Variants in NALF1 observed in about 807,000 individuals in gnomAD.
The protein encoded by NALF1 is NALCN channel auxiliary factor 1, also known as family with sequence similarity 155 member A.
Under a neutral mutation model 48.4 loss-of-function variants are expected in NALF1, and 3 were observed. That is an observed-to-expected ratio of 0.06 (90% CI 0.03 to 0.16). The LOEUF (loss-of-function observed/expected upper bound fraction) is 0.16, where lower values mean the gene tolerates loss of function less well. Ranked by LOEUF, NALF1 falls within the 10% of genes least tolerant of loss-of-function variation. The pLI, the probability that NALF1 is intolerant of heterozygous loss-of-function variation, is 1.00. For missense variants in NALF1, 526 were observed against 571.5 expected, an observed-to-expected ratio of 0.92 and a Z score of 0.81; for synonymous variants, 262 against 245.7, an observed-to-expected ratio of 1.07 and a Z score of -0.62.
intron 1 of NALF1, among the ~76,000 whole-genome samples, chr13:107,771,565 C>A (rs1469014229): frequency 6.6e-6 from 1 of 150,940 alleles, no homozygotes; most frequent in Non-Finnish European, 1.5e-5. Context: ...CGAACCAGAG[C>A]GACTCCATTT....
intron 1 of NALF1, among the ~76,000 whole-genome samples, chr13:107,850,505 A>C (rs1880281647): frequency 6.6e-6 from 1 of 152,190 alleles, no homozygotes; most frequent in Non-Finnish European, 1.5e-5. Context: ...GCCATTAGGG[A>C]TTCAGTTTCT....
In NALF1 at chr13:107,808,806, T is replaced by G. The variant is rs1878894295; in HGVS notation, c.915+56876A>C. Among the ~76,000 whole-genome samples the G allele has an allele frequency of 1.3e-5, 2 of 152,036 alleles. 1 individual carries two copies. Among genetic ancestry groups the G allele is most frequent in the South Asian group, 4.2e-4 (2 of 4,814 alleles). ...ATCTCCCTGCCTCAGATCATAATAT[T>G]ACACATAACTGGGAGGGAGATCAAG... On this transcript the variant is annotated intron_variant, in intron 1 of 2. Transcript: ENST00000375915.
At chr13:107,826,902 T>C (rs1239361593) in intron 1 of NALF1, among the ~76,000 whole-genome samples, 3 of 152,214 alleles carry the variant, frequency 2.0e-5, no homozygotes, top group Non-Finnish European at 4.4e-5. Context: ...TTGTGCACCC[T>C]GCCTGACACA....
At chr13:107,309,161 C>A (rs554116291) in intron 1 of NALF1, among the ~76,000 whole-genome samples, 2 of 152,146 alleles carry the variant, frequency 1.3e-5, no homozygotes, top group Non-Finnish European at 2.9e-5. Flanking sequence ...CTGTTGAAAC[C>A]TTGTAGGCCC....
intron 1 of NALF1, among the ~76,000 whole-genome samples, chr13:107,218,993 C>G (rs1879935516): frequency 6.6e-6 from 1 of 152,130 alleles, no homozygotes; most frequent in African/African-American, 2.4e-5. Flanking sequence ...AGTGAATTAA[C>G]TTCACAGTAA....
At chr13:107,455,679 G>A (rs115889790) in intron 1 of NALF1, among the ~76,000 whole-genome samples, 128 of 152,156 alleles carry the variant, frequency 8.4e-4, no homozygotes, top group African/African-American at 2.9e-3. Context: ...AATATCCCCT[G>A]TTCTCCACCT....
At chr13:107,733,966 C>T (rs1439751832) in intron 1 of NALF1, among the ~76,000 whole-genome samples, 1 of 152,196 alleles carries the variant, frequency 6.6e-6, no homozygotes, top group African/African-American at 2.4e-5. Context: ...CATACCTAGG[C>T]GGTGTGGTAT....
intron 1 of NALF1, among the ~76,000 whole-genome samples, chr13:107,705,198 C>A (rs925692809): frequency 2.6e-5 from 4 of 152,112 alleles, no homozygotes; most frequent in Non-Finnish European, 5.9e-5. Context: ...GAACAAGACC[C>A]AAATGTAGCT....
intron 1 of NALF1, among the ~76,000 whole-genome samples, chr13:107,357,461 C>A (rs1882983476): frequency 6.6e-6 from 1 of 152,060 alleles, no homozygotes; most frequent in Admixed American, 6.6e-5. Flanking sequence ...GACACAGAGC[C>A]AAGCCATATC....
chr13:107,506,127 C>T lies in NALF1; in HGVS notation c.916-295372G>A, dbSNP rs185681812. On this transcript the variant is annotated intron_variant, in intron 1 of 2. Transcript: ENST00000375915. Reference sequence around the variant, plus strand: ...TTATTAAGAATTATGATGTAAAATACCTTATCACTCAAAATATCAAACTTC... The same window carrying T: ...TTATTAAGAATTATGATGTAAAATATCTTATCACTCAAAATATCAAACTTC... Among the ~76,000 whole-genome samples, 182 of 152,040 alleles carry T rather than the reference C, an allele frequency of 1.2e-3. 1 individual carries two copies. The highest frequency in any genetic ancestry group is 4.1e-3 in the African/African-American group (171 of 41,468).
At chr13:107,498,831 G>T (rs887755366) in intron 1 of NALF1, among the ~76,000 whole-genome samples, 1 of 152,074 alleles carries the variant, frequency 6.6e-6, no homozygotes, top group African/African-American at 2.4e-5. Context: ...GGCTGAAAGG[G>T]ATTTTTTCAG....
intron 1 of NALF1, among the ~76,000 whole-genome samples, chr13:107,468,777 T>C (rs1207194181): frequency 1.3e-5 from 2 of 152,096 alleles, no homozygotes; most frequent in Non-Finnish European, 1.5e-5. Flanking sequence ...ATTGGGAGTA[T>C]GAGAAAAACA....
chr13:107,381,387 G>A (rs541673451), intron 1 of NALF1, among the ~76,000 whole-genome samples: 10 of 151,648 alleles, frequency 6.6e-5, no homozygotes, highest in African/African-American at 2.4e-4. Flanking sequence ...CTGTAGAGAT[G>A]GGGTCTCACT....
At chr13:107,622,443 AAAAC>A (rs1427484455) in intron 1 of NALF1, among the ~76,000 whole-genome samples, 609 of 131,636 alleles carry the variant, frequency 4.6e-3, no homozygotes, top group Non-Finnish European at 8.0e-3. Flanking sequence ...CTGTCTCAAA[AAAAC>A]AAACAAACAA....
At chr13:107,245,881 C>T (rs1007511536) in intron 1 of NALF1, among the ~76,000 whole-genome samples, 1 of 152,112 alleles carries the variant, frequency 6.6e-6, no homozygotes, top group African/African-American at 2.4e-5. Context: ...AGATCTGGCC[C>T]CACATCCTGA....
intron 1 of NALF1, among the ~76,000 whole-genome samples, chr13:107,317,173 C>T (rs1012211153): frequency 3.9e-5 from 6 of 151,962 alleles, no homozygotes; most frequent in African/African-American, 7.2e-5. Flanking sequence ...TGTGACAAAA[C>T]GTAGCAAAAT....
intron 1 of NALF1, among the ~76,000 whole-genome samples, chr13:107,594,936 A>T (rs1878699782): frequency 6.6e-6 from 1 of 152,096 alleles, no homozygotes; most frequent in South Asian, 2.1e-4. Flanking sequence ...TTGGCAAAAT[A>T]TTTGTGTCCA....
At chr13:107,271,220 C>T (rs192043683) in intron 1 of NALF1, among the ~76,000 whole-genome samples, 1 of 152,252 alleles carries the variant, frequency 6.6e-6, no homozygotes, top group Admixed American at 6.5e-5. Context: ...AGTTACTAAT[C>T]ATTTGACCTT....
intron 1 of NALF1, among the ~76,000 whole-genome samples, chr13:107,358,376 T>G (rs765342950): frequency 1.3e-5 from 2 of 152,172 alleles, no homozygotes; most frequent in Admixed American, 6.6e-5. Flanking sequence ...GTACTTGAGC[T>G]TCAGTGGGAT....
Sources: allele counts gnomAD v4.1 joint callset (sites outside exome capture counted in the v4.1 genomes callset), GRCh38; gene constraint gnomAD v4.1.1; transcripts MANE v1.5; gene names NCBI Gene and HGNC (gene_info 2026-07-23, HGNC 2026-07-21).